Variants in LDAH observed in about 807,000 individuals in gnomAD.
LDAH encodes lipid droplet-associated hydrolase.
A neutral mutation model predicts 29.6 loss-of-function variants in LDAH; 26 were observed. That is an observed-to-expected ratio of 0.88 (90% CI 0.64 to 1.22). The LOEUF (loss-of-function observed/expected upper bound fraction) is 1.22, where lower values mean the gene tolerates loss of function less well. LDAH is among the 50% of genes most tolerant of loss of function. The pLI is 0.00. For synonymous variants in LDAH, 117 were observed against 133.0 expected, an observed-to-expected ratio of 0.88 and a Z score of 0.83; for missense variants, 344 against 387.3, an observed-to-expected ratio of 0.89 and a Z score of 0.94.
At chr2:20,716,039 A>G (rs1009172740) in intron 5 of LDAH, among the ~76,000 whole-genome samples, 2 of 152,162 alleles carry the variant, frequency 1.3e-5, no homozygotes, top group Admixed American at 6.5e-5. Flanking sequence ...ACCATCTCAC[A>G]CTAGTTAGAA....
In LDAH at chr2:20,685,900, G is replaced by A; in HGVS notation, c.*1003C>T. ...CAAATGAAGTTAATGCAGAAATGGA[G>A]AGTTAATGTATGGCAATGTTTTACT... On this transcript the variant is annotated 3_prime_UTR_variant, in exon 7 of 7. Coordinates refer to ENST00000237822, the MANE Select transcript of LDAH (RefSeq NM_021925.4). 1 of 421,448 alleles carries A rather than the reference G, an allele frequency of 2.4e-6. No individual in the cohort carries two copies. The highest frequency in any genetic ancestry group is 2.0e-5 in the African/African-American group (1 of 48,906). The allele number at this position is 421,448 out of a possible 1,614,324, so 26.1% of individuals were successfully genotyped here. A position where few individuals can be genotyped will look rare whatever the true frequency, so the allele number is the denominator to read the frequency against.
intron 4 of LDAH, among the ~76,000 whole-genome samples, chr2:20,767,551 G>A (rs1461507412): frequency 1.3e-5 from 2 of 152,252 alleles, no homozygotes; most frequent in Non-Finnish European, 2.9e-5. Context: ...CTGGCCTGCA[G>A]GTGCCCCTTG....
chr2:20,758,790 T>C (rs1382654198), intron 4 of LDAH, among the ~76,000 whole-genome samples: 1 of 152,072 alleles, frequency 6.6e-6, no homozygotes, highest in Non-Finnish European at 1.5e-5. Context: ...CAAAGGCACA[T>C]AGATAGGAAA....
intron 6 of LDAH, among the ~76,000 whole-genome samples, chr2:20,687,990 A>G (rs991710719): frequency 6.6e-6 from 1 of 152,254 alleles, no homozygotes; most frequent in Non-Finnish European, 1.5e-5. Context: ...GGCCAGCTGT[A>G]GTCACTTGCA....
intron 3 of LDAH, among the ~76,000 whole-genome samples, chr2:20,784,519 C>A (rs114791064): frequency 0.032 from 4,885 of 152,222 alleles, 280 homozygotes; most frequent in African/African-American, 0.11. Context: ...ACTCTCTATT[C>A]CTAGCTTTAA....
At chr2:20,780,588 C>A (rs1670127670) in intron 3 of LDAH, among the ~76,000 whole-genome samples, 2 of 152,080 alleles carry the variant, frequency 1.3e-5, no homozygotes, top group South Asian at 4.1e-4. Flanking sequence ...AAGTAGGAAA[C>A]TGAACTTCAC....
intron 4 of LDAH, among the ~76,000 whole-genome samples, chr2:20,763,955 C>A (rs1301963238): frequency 8.1e-6 from 1 of 123,212 alleles, no homozygotes; most frequent in Non-Finnish European, 1.7e-5. Flanking sequence ...TTGGTTTCAG[C>A]CCAAAGGTGA....
intron 5 of LDAH, among the ~76,000 whole-genome samples, chr2:20,705,386 T>A (rs1360622296): frequency 6.6e-6 from 1 of 152,192 alleles, no homozygotes; most frequent in Non-Finnish European, 1.5e-5. Flanking sequence ...TTCTATTCCT[T>A]AATTAGACTG....
At chr2:20,706,373 G>A (rs1272535941) in intron 5 of LDAH, among the ~76,000 whole-genome samples, 2 of 152,200 alleles carry the variant, frequency 1.3e-5, no homozygotes, top group Non-Finnish European at 1.5e-5. Context: ...GCTTTCCAGT[G>A]AATGTGAGCT....
At chr2:20,709,551 T>C (rs1664550476) in intron 5 of LDAH, among the ~76,000 whole-genome samples, 1 of 152,186 alleles carries the variant, frequency 6.6e-6, no homozygotes. Flanking sequence ...TCATGTCTTG[T>C]TGTTAGAATT....
intron 2 of LDAH, among the ~76,000 whole-genome samples, chr2:20,798,202 T>C (rs1048074300): frequency 1.3e-5 from 2 of 152,164 alleles, no homozygotes; most frequent in Non-Finnish European, 2.9e-5. Flanking sequence ...TACTAGAAGA[T>C]ATGCTCTACC....
intron 5 of LDAH, among the ~76,000 whole-genome samples, chr2:20,725,554 T>C (rs1051243688): frequency 5.9e-5 from 9 of 152,198 alleles, no homozygotes; most frequent in Non-Finnish European, 1.2e-4. Context: ...AGTCCATGGA[T>C]GTTGAATCTC....
At chr2:20,805,335 C>T (rs1284284404) in intron 1 of LDAH, among the ~76,000 whole-genome samples, 2 of 152,142 alleles carry the variant, frequency 1.3e-5, no homozygotes, top group Admixed American at 1.3e-4. Flanking sequence ...CTGTAGGCAC[C>T]TAATTCCATG....
chr2:20,798,530 C>T (rs72784378), intron 2 of LDAH, among the ~76,000 whole-genome samples: 3,502 of 150,378 alleles, frequency 0.023, 69 homozygotes, highest in Non-Finnish European at 0.034. Flanking sequence ...GAAATGCATG[C>T]GCAATTCCCT....
intron 4 of LDAH, among the ~76,000 whole-genome samples, chr2:20,773,675 G>A (rs1055000842): frequency 6.6e-6 from 1 of 152,156 alleles, no homozygotes; most frequent in African/African-American, 2.4e-5. Flanking sequence ...CCTCCATTTA[G>A]TATCAAAAAC....
At chr2:20,747,134 T>C (rs1667623530) in intron 4 of LDAH, among the ~76,000 whole-genome samples, 1 of 152,146 alleles carries the variant, frequency 6.6e-6, no homozygotes, top group Admixed American at 6.6e-5. Flanking sequence ...CCTGTTTCAT[T>C]AAATAGGCTT....
chr2:20,804,071 G>A (rs778352514), intron 1 of LDAH, among the ~76,000 whole-genome samples: 2 of 152,112 alleles, frequency 1.3e-5, no homozygotes, highest in Non-Finnish European at 2.9e-5. Flanking sequence ...TAAACTCACA[G>A]CATCTGTCTT....
chr2:20,815,509 GA>G (rs1397144616), intron 1 of LDAH, among the ~76,000 whole-genome samples: 1 of 151,764 alleles, frequency 6.6e-6, no homozygotes, highest in Non-Finnish European at 1.5e-5. Context: ...TAAAAACAAA[GA>G]AAAAAATCTC....
At chr2:20,710,748 T>G (rs1405891649) in intron 5 of LDAH, among the ~76,000 whole-genome samples, 2 of 148,624 alleles carry the variant, frequency 1.3e-5, no homozygotes, top group Non-Finnish European at 3.0e-5. Context: ...TATACACATA[T>G]ACATATATAT....
Sources: allele counts gnomAD v4.1 joint callset (sites outside exome capture counted in the v4.1 genomes callset), GRCh38; gene constraint gnomAD v4.1.1; transcripts MANE v1.5; gene names NCBI Gene and HGNC (gene_info 2026-07-23, HGNC 2026-07-21).